CHCHD6: variants seen among roughly 807,000 people sequenced by gnomAD.
CHCHD6 encodes MICOS complex subunit MIC25.
CHCHD6 carries 28 observed loss-of-function variants against 32.3 expected under a neutral mutation model. The observed-to-expected ratio is 0.87, with a 90% CI of 0.64 to 1.19. The LOEUF is 1.19. Among genes scored for constraint, CHCHD6 ranks in the 50% most tolerant of loss-of-function variants. CHCHD6 has a pLI of 0.00. For synonymous variants in CHCHD6, 122 were observed against 117.5 expected, an observed-to-expected ratio of 1.04 and a Z score of -0.25; for missense variants, 333 against 307.0, an observed-to-expected ratio of 1.08 and a Z score of -0.63.
At chr3:126,901,011 C>G (rs954151990) in intron 5 of CHCHD6, among the ~76,000 whole-genome samples, 3 of 152,100 alleles carry the variant, frequency 2.0e-5, no homozygotes, top group African/African-American at 7.2e-5. Flanking sequence ...GCAAACACCC[C>G]CCCCAGGCCC....
At chr3:126,948,091 G>GT (rs2078665301) in intron 6 of CHCHD6, among the ~76,000 whole-genome samples, 2 of 152,138 alleles carry the variant, frequency 1.3e-5, no homozygotes, top group African/African-American at 4.8e-5. Flanking sequence ...AGATACATTG[G>GT]TCCCCCGGTC....
chr3:126,774,745 C>G (rs1937605204), intron 4 of CHCHD6, among the ~76,000 whole-genome samples: 1 of 152,184 alleles, frequency 6.6e-6, no homozygotes, highest in Non-Finnish European at 1.5e-5. Context: ...TTGGCCTTTG[C>G]TGGTGAGGGT....
At chr3:126,708,237 G>T (rs1934589190) in intron 1 of CHCHD6, among the ~76,000 whole-genome samples, 1 of 152,168 alleles carries the variant, frequency 6.6e-6, no homozygotes, top group Non-Finnish European at 1.5e-5. Context: ...ACCTTGTGAG[G>T]GGTCATTATC....
intron 4 of CHCHD6, among the ~76,000 whole-genome samples, chr3:126,836,142 A>G (rs902022656): frequency 3.9e-5 from 6 of 152,250 alleles, no homozygotes; most frequent in Non-Finnish European, 5.9e-5. Flanking sequence ...CATAGAAGGC[A>G]GTGCACCACC....
At chr3:126,853,114 A>G (rs570277430) in intron 5 of CHCHD6, among the ~76,000 whole-genome samples, 2 of 152,176 alleles carry the variant, frequency 1.3e-5, no homozygotes, top group Admixed American at 6.5e-5. Flanking sequence ...ATGTCTTGCT[A>G]TACAAATACA....
rs200059535 is a variant in CHCHD6 at position 126,730,571 on chromosome 3, G to A, written c.207G>A (p.Leu69=). Residue 69 remains leucine (L), a synonymous_variant, in exon 3 of 8, where the codon CTG becomes CTA. Coordinates refer to ENST00000290913, the MANE Select transcript of CHCHD6 (RefSeq NM_032343.3). ...CTCTTTCCTTTGCAGAATCCACACT[G>A]CCCAGGTCGGGGAGCAGTGGTGGCC... The part of the protein sequence containing the change: ...NLRAPHKEST[L]PRSGSSGGQQ... 6 of 1,613,766 alleles carry A rather than the reference G, an allele frequency of 3.7e-6. No homozygotes were observed. In the East Asian group the frequency reaches 8.9e-5, roughly 24 times the overall value.
intron 5 of CHCHD6, among the ~76,000 whole-genome samples, chr3:126,907,212 C>T (rs2078020543): frequency 6.6e-6 from 1 of 152,152 alleles, no homozygotes; most frequent in Non-Finnish European, 1.5e-5. Context: ...TGACTGTAGT[C>T]AGGGCAGATC....
At chr3:126,748,647 C>T (rs1343083737) in intron 4 of CHCHD6, among the ~76,000 whole-genome samples, 1 of 150,998 alleles carries the variant, frequency 6.6e-6, no homozygotes, top group East Asian at 1.9e-4. Context: ...TTCTTTCCAA[C>T]AAATCTGATA....
intron 4 of CHCHD6, among the ~76,000 whole-genome samples, chr3:126,834,062 A>AT: frequency 6.7e-6 from 1 of 148,628 alleles, no homozygotes; most frequent in East Asian, 2.0e-4. Flanking sequence ...TCAAAAAAAA[A>AT]AAAAAAAAAA....
chr3:126,752,973 C>T (rs1032618106), intron 4 of CHCHD6, among the ~76,000 whole-genome samples: 12 of 152,174 alleles, frequency 7.9e-5, no homozygotes, highest in South Asian at 2.1e-4. Flanking sequence ...GCCAGGTACC[C>T]GAGGTTAAGG....
intron 6 of CHCHD6, among the ~76,000 whole-genome samples, chr3:126,939,456 G>A (rs1162460910): frequency 6.6e-6 from 1 of 152,180 alleles, no homozygotes; most frequent in Admixed American, 6.5e-5. Flanking sequence ...TCAGCCTATT[G>A]TTTCAGGCTG....
intron 5 of CHCHD6, among the ~76,000 whole-genome samples, chr3:126,898,909 C>T (rs990549814): frequency 1.3e-5 from 2 of 152,162 alleles, no homozygotes; most frequent in African/African-American, 4.8e-5. Flanking sequence ...AATTTCACCT[C>T]AGTAAATATT....
rs575885478 is a variant in CHCHD6 at position 126,922,155 on chromosome 3, TTTAG to T, written c.566+7409_566+7412del. ...GATACATTCATTTAACTAATCAAAA[TTTAG>T]TTAATTTCTTATTTGAAAAACTTTT... On this transcript the variant is annotated intron_variant, in intron 6 of 7. Coordinates refer to ENST00000290913, the MANE Select transcript of CHCHD6 (RefSeq NM_032343.3). 2.0e-4 allele frequency among the ~76,000 whole-genome samples: 31 copies of T among 152,368 alleles called. No individual in the cohort carries two copies. The South Asian group carries it at 5.8e-3, about 29-fold the overall frequency.
At chr3:126,960,127 G>C in intron 7 of CHCHD6, 69 bp from the exon 8 acceptor site, 3 of 1,546,602 alleles carry the variant, frequency 1.9e-6, no homozygotes, top group African/African-American at 1.4e-5. Flanking sequence ...GTCACAGGGC[G>C]ATCTGCACGG....
intron 6 of CHCHD6, chr3:126,953,232 C>T (rs1007846244): frequency 4.5e-6 from 3 of 671,786 alleles, no homozygotes; most frequent in Admixed American, 1.3e-4. Flanking sequence ...ACCAAGAGTC[C>T]CAGCCTCAGA....
chr3:126,800,495 C>T (rs1261174269), intron 4 of CHCHD6, among the ~76,000 whole-genome samples: 1 of 152,142 alleles, frequency 6.6e-6, no homozygotes, highest in Non-Finnish European at 1.5e-5. Context: ...GAGCAGGCCC[C>T]TCTGAAAGTG....
chr3:126,722,650 T>C (rs531017552), intron 1 of CHCHD6, among the ~76,000 whole-genome samples: 2 of 152,354 alleles, frequency 1.3e-5, no homozygotes, highest in African/African-American at 4.8e-5. Flanking sequence ...AGTAGGATTA[T>C]TTTTCATTTT....
intron 5 of CHCHD6, among the ~76,000 whole-genome samples, chr3:126,899,173 G>A (rs1031751998): frequency 1.3e-5 from 2 of 152,220 alleles, no homozygotes; most frequent in Non-Finnish European, 2.9e-5. Context: ...TCTGGGTCAG[G>A]TGGCTAAATG....
chr3:126,903,242 T>C (rs183391449), intron 5 of CHCHD6, among the ~76,000 whole-genome samples: 3 of 152,370 alleles, frequency 2.0e-5, no homozygotes, highest in Non-Finnish European at 4.4e-5. Context: ...CATCTGTTAA[T>C]GCCTCCTTGG....
Sources: allele counts gnomAD v4.1 joint callset (sites outside exome capture counted in the v4.1 genomes callset), GRCh38; gene constraint gnomAD v4.1.1; transcripts MANE v1.5; gene names NCBI Gene and HGNC (gene_info 2026-07-23, HGNC 2026-07-21).